AMBRA1: variants seen among roughly 807,000 people sequenced by gnomAD.
AMBRA1 encodes autophagy and beclin 1 regulator 1.
Under a neutral mutation model 125.4 loss-of-function variants are expected in AMBRA1, and 47 were observed. The ratio of observed to expected loss-of-function variants is 0.37; its 90% CI spans 0.30 to 0.48. The LOEUF is 0.48. Among genes scored for constraint, AMBRA1 ranks in the 20% least tolerant of loss-of-function variants. AMBRA1 has a pLI of 0.99. For missense variants in AMBRA1, 1,331 were observed against 1,693.4 expected, an observed-to-expected ratio of 0.79 and a Z score of 3.76; for synonymous variants, 626 against 655.5, an observed-to-expected ratio of 0.95 and a Z score of 0.69.
intron 11 of AMBRA1, among the ~76,000 whole-genome samples, chr11:46,468,452 A>G (rs1021791487): frequency 1.3e-5 from 2 of 152,014 alleles, no homozygotes; most frequent in African/African-American, 2.4e-5. Flanking sequence ...TCCTGGGCTT[A>G]TGGAATCCTC....
chr11:46,588,503 C>T (rs919363408), intron 1 of AMBRA1, among the ~76,000 whole-genome samples: 3 of 151,896 alleles, frequency 2.0e-5, no homozygotes, highest in Admixed American at 2.0e-4. Context: ...GGGCCGGGCA[C>T]GGTGGCTCAT....
At position 46,456,120 on chromosome 11, in the gene AMBRA1, CATT is replaced by C. The variant is rs556879556; in HGVS notation, c.2522-12525_2522-12523del. ...TCATTACCTTTATTCCACCCACAAACATTATTTAAGACAAAAACAAATAAGCTC... is the reference window on the plus strand; with the variant it reads ...TCATTACCTTTATTCCACCCACAAACATTTAAGACAAAAACAAATAAGCTC... On this transcript the variant is annotated intron_variant, in intron 11 of 17. Coordinates refer to ENST00000683756, the MANE Select transcript of AMBRA1 (RefSeq NM_001387011.1). 1.2e-3 allele frequency among the ~76,000 whole-genome samples: 188 copies of C among 152,220 alleles called. No individual in the cohort carries two copies. In the Middle Eastern group the frequency reaches 0.014, roughly 11 times the overall value.
intron 14 of AMBRA1, among the ~76,000 whole-genome samples, chr11:46,422,749 C>T (rs1223050340): frequency 3.3e-5 from 5 of 151,820 alleles, no homozygotes; most frequent in Non-Finnish European, 1.5e-5. Context: ...TCAGATCAGC[C>T]CGGATAAGAA....
chr11:46,548,179 C>T lies in AMBRA1; in HGVS notation c.135+67G>A, dbSNP rs2042884901. On this transcript the variant is annotated intron_variant, in intron 2 of 17. Transcript: ENST00000683756. ...TATATCCCAACTCTCTGCTGTTAAC[C>T]CATTCTAAGGTCTCATTCTACCATC... The T allele has an allele frequency of 2.8e-5, 44 of 1,599,346 alleles. 1 individual carries two copies. The South Asian group carries it at 4.6e-4, about 17-fold the overall frequency.
intron 7 of AMBRA1, among the ~76,000 whole-genome samples, chr11:46,530,937 G>A (rs1346336858): frequency 1.3e-5 from 2 of 152,194 alleles, no homozygotes; most frequent in African/African-American, 2.4e-5. Flanking sequence ...AGGCTGGAGT[G>A]CAGTGGCATG....
intron 11 of AMBRA1, among the ~76,000 whole-genome samples, chr11:46,452,376 CCTCA>C (rs1202922572): frequency 6.6e-6 from 1 of 151,884 alleles, no homozygotes; most frequent in African/African-American, 2.4e-5. Flanking sequence ...TTAGATGGGG[CCTCA>C]CTATGTTGCC....
chr11:46,550,118 C>T (rs11038917), intron 1 of AMBRA1, among the ~76,000 whole-genome samples: 61 of 152,244 alleles, frequency 4.0e-4, no homozygotes, highest in African/African-American at 1.3e-3. Context: ...TGCACCCAGC[C>T]GACACTAGCT....
intron 9 of AMBRA1, among the ~76,000 whole-genome samples, chr11:46,502,725 C>T (rs1052664100): frequency 6.6e-6 from 1 of 152,116 alleles, no homozygotes; most frequent in Admixed American, 6.5e-5. Context: ...TGCCATGACT[C>T]AACTAGGCTT....
At chr11:46,402,048 G>A (rs1369286618) in intron 17 of AMBRA1, among the ~76,000 whole-genome samples, 2 of 152,112 alleles carry the variant, frequency 1.3e-5, no homozygotes, top group African/African-American at 2.4e-5. Context: ...CCATGCTCTC[G>A]TCCCATCTCC....
chr11:46,510,986 A>G (rs1362761272), intron 8 of AMBRA1, among the ~76,000 whole-genome samples: 3 of 152,198 alleles, frequency 2.0e-5, no homozygotes, highest in African/African-American at 4.8e-5. Context: ...TTCCTTTTCC[A>G]AAAAAACCTA....
In AMBRA1 at chr11:46,541,926, T is replaced by C. The variant is rs369856494; in HGVS notation, c.2072+19A>G. The C allele has an allele frequency of 1.7e-5, 27 of 1,597,298 alleles. No homozygotes were observed. The highest frequency in any genetic ancestry group is 2.2e-5 in the Non-Finnish European group (26 of 1,176,042). On this transcript the variant is annotated intron_variant, in intron 7 of 17. Transcript: ENST00000683756. ...GGAGAAAAGCAAGGGATGCAGAAGA[T>C]AGGAAAGCGACTGCTTACCTCCTGA...
At chr11:46,488,280 A>G (rs1448994734) in intron 11 of AMBRA1, among the ~76,000 whole-genome samples, 1 of 151,958 alleles carries the variant, frequency 6.6e-6, no homozygotes, top group African/African-American at 2.4e-5. Context: ...ATATGGTGAA[A>G]CCCCATCTCT....
intron 11 of AMBRA1, among the ~76,000 whole-genome samples, chr11:46,460,565 C>T (rs1949054436): frequency 6.6e-6 from 1 of 152,112 alleles, no homozygotes; most frequent in East Asian, 1.9e-4. Context: ...CCTCGTGATC[C>T]GCCCACCTCA....
At chr11:46,505,962 T>G (rs1359855003) in intron 9 of AMBRA1, among the ~76,000 whole-genome samples, 2 of 152,128 alleles carry the variant, frequency 1.3e-5, no homozygotes, top group Non-Finnish European at 2.9e-5. Flanking sequence ...TCCACAACAC[T>G]GACTCCCAGG....
intron 1 of AMBRA1, among the ~76,000 whole-genome samples, chr11:46,575,546 T>C (rs2043931501): frequency 7.4e-6 from 1 of 134,690 alleles, no homozygotes. Flanking sequence ...AGACAGAGTC[T>C]CACTCCGTCA....
intron 11 of AMBRA1, among the ~76,000 whole-genome samples, chr11:46,478,229 G>C (rs1210272562): frequency 6.6e-6 from 1 of 152,172 alleles, no homozygotes; most frequent in African/African-American, 2.4e-5. Flanking sequence ...ATATGCCACA[G>C]TAATTGGGCA....
At chr11:46,469,837 A>G (rs1590887079) in intron 11 of AMBRA1, among the ~76,000 whole-genome samples, 1 of 137,540 alleles carries the variant, frequency 7.3e-6, no homozygotes. Flanking sequence ...GCTAACTTAA[A>G]CTTTTTTTTT....
chr11:46,427,195 G>A (rs780559267), intron 14 of AMBRA1, among the ~76,000 whole-genome samples: 1 of 152,100 alleles, frequency 6.6e-6, no homozygotes, highest in Admixed American at 6.5e-5. Flanking sequence ...ATAAATTCTG[G>A]TCAGTGCTGA....
At chr11:46,545,106 A>T (rs1952939447) in intron 5 of AMBRA1, among the ~76,000 whole-genome samples, 1 of 125,102 alleles carries the variant, frequency 8.0e-6, no homozygotes, top group Non-Finnish European at 1.6e-5. Flanking sequence ...GCACAACTGT[A>T]CTCCAGCCTG....
Sources: allele counts gnomAD v4.1 joint callset (sites outside exome capture counted in the v4.1 genomes callset), GRCh38; gene constraint gnomAD v4.1.1; transcripts MANE v1.5; gene names NCBI Gene and HGNC (gene_info 2026-07-23, HGNC 2026-07-21).